NR3C2: variants seen among roughly 807,000 people sequenced by gnomAD.
The protein encoded by NR3C2 is nuclear receptor subfamily 3 group C member 2.
NR3C2 carries 15 observed loss-of-function variants against 86.4 expected under a neutral mutation model. The observed-to-expected ratio is 0.17, with a 90% CI of 0.12 to 0.27. The LOEUF is 0.27. NR3C2 is among the 10% of genes least tolerant of loss of function. The pLI is 1.00. For synonymous variants in NR3C2, 458 were observed against 450.5 expected, an observed-to-expected ratio of 1.02 and a Z score of -0.21; for missense variants, 960 against 1,195.6, an observed-to-expected ratio of 0.80 and a Z score of 2.91.
intron 8 of NR3C2, among the ~76,000 whole-genome samples, chr4:148,103,597 G>A (rs748448781): frequency 3.3e-5 from 5 of 152,214 alleles, no homozygotes; most frequent in Non-Finnish European, 7.3e-5. Flanking sequence ...TAGCGTTCTG[G>A]TTATGAAAAG....
intron 4 of NR3C2, among the ~76,000 whole-genome samples, chr4:148,160,268 C>T (rs1338848018): frequency 6.6e-6 from 1 of 152,156 alleles, no homozygotes; most frequent in Non-Finnish European, 1.5e-5. Flanking sequence ...CCTGACCAAC[C>T]TGCAAAAGAG....
chr4:148,302,425 A>G (rs1455636278), intron 2 of NR3C2, among the ~76,000 whole-genome samples: 4 of 152,004 alleles, frequency 2.6e-5, no homozygotes, highest in African/African-American at 9.7e-5. Flanking sequence ...CAAAATGTGG[A>G]GCATGTTTGT....
chr4:148,413,504 T>A (rs1167272836), intron 2 of NR3C2, among the ~76,000 whole-genome samples: 1 of 151,894 alleles, frequency 6.6e-6, no homozygotes, highest in Non-Finnish European at 1.5e-5. Context: ...GACATCAAAA[T>A]TTAAAGCATC....
chr4:148,353,123 C>T (rs1458203504), intron 2 of NR3C2, among the ~76,000 whole-genome samples: 2 of 152,032 alleles, frequency 1.3e-5, no homozygotes, highest in Non-Finnish European at 2.9e-5. Flanking sequence ...AATAAGTAGA[C>T]TCAATCTCAA....
At chr4:148,407,187 CA>C (rs1748469184) in intron 2 of NR3C2, among the ~76,000 whole-genome samples, 1 of 152,136 alleles carries the variant, frequency 6.6e-6, no homozygotes. Context: ...AGCCAGAATT[CA>C]AACCCAAGCA....
intron 2 of NR3C2, among the ~76,000 whole-genome samples, chr4:148,434,287 C>T (rs1040175025): frequency 2.6e-5 from 4 of 152,096 alleles, no homozygotes; most frequent in Non-Finnish European, 4.4e-5. Context: ...AACTTAGAAC[C>T]ACCCTTTATA....
chr4:148,202,261 G>A (rs1736760974), intron 3 of NR3C2, among the ~76,000 whole-genome samples: 1 of 152,226 alleles, frequency 6.6e-6, no homozygotes, highest in South Asian at 2.1e-4. Context: ...GAACACCTCT[G>A]CCCACCCTTG....
At chr4:148,101,335 C>A (rs1046589929) in intron 8 of NR3C2, among the ~76,000 whole-genome samples, 7 of 152,148 alleles carry the variant, frequency 4.6e-5, no homozygotes, top group African/African-American at 1.7e-4. Context: ...AAACATTAAC[C>A]TTCTTGAAAG....
chr4:148,389,963 C>A (rs1271377650), intron 2 of NR3C2, among the ~76,000 whole-genome samples: 2 of 151,906 alleles, frequency 1.3e-5, no homozygotes, highest in Non-Finnish European at 2.9e-5. Context: ...TTTATATACA[C>A]AAATTTAAGA....
intron 2 of NR3C2, among the ~76,000 whole-genome samples, chr4:148,405,731 A>T (rs1748387776): frequency 6.6e-6 from 1 of 152,254 alleles, no homozygotes; most frequent in Non-Finnish European, 1.5e-5. Flanking sequence ...TAACTGCTTC[A>T]TACGCAAAGG....
At chr4:148,146,030 C>T (rs1733852800) in intron 6 of NR3C2, among the ~76,000 whole-genome samples, 1 of 151,938 alleles carries the variant, frequency 6.6e-6, no homozygotes, top group Admixed American at 6.6e-5. Flanking sequence ...AGAAATCACA[C>T]AACAGTTTCC....
At chr4:148,314,199 G>C (rs1316825069) in intron 2 of NR3C2, among the ~76,000 whole-genome samples, 4 of 152,104 alleles carry the variant, frequency 2.6e-5, no homozygotes, top group Non-Finnish European at 5.9e-5. Flanking sequence ...AAATGAAAGA[G>C]ATGAGCAAGT....
intron 2 of NR3C2, among the ~76,000 whole-genome samples, chr4:148,427,709 G>A (rs142174253): frequency 6.6e-6 from 1 of 152,122 alleles, no homozygotes; most frequent in Non-Finnish European, 1.5e-5. Context: ...AGTGTCTTCA[G>A]GGATGGGAAC....
chr4:148,259,903 C>T, intron 3 of NR3C2, 75 bp downstream of exon 3: 1 of 1,561,924 alleles, frequency 6.4e-7, no homozygotes, highest in Non-Finnish European at 8.8e-7. Flanking sequence ...CCCAATAATG[C>T]TATAGCATTA....
At chr4:148,235,744 TTTG>T (rs70962707) in intron 3 of NR3C2, among the ~76,000 whole-genome samples, 22,366 of 152,084 alleles carry the variant, frequency 0.15, 2,057 homozygotes, top group Admixed American at 0.24. Context: ...AGAAGAGTGT[TTTG>T]TTGTTGTTGT....
At chr4:148,384,983 T>C (rs1579234764) in intron 2 of NR3C2, among the ~76,000 whole-genome samples, 1 of 152,198 alleles carries the variant, frequency 6.6e-6, no homozygotes, top group African/African-American at 2.4e-5. Flanking sequence ...AGAAAGTATG[T>C]CCTAGATCTT....
chr4:148,229,005 T>A (rs1380134350), intron 3 of NR3C2, among the ~76,000 whole-genome samples: 1 of 152,100 alleles, frequency 6.6e-6, no homozygotes, highest in Non-Finnish European at 1.5e-5. Context: ...TGATGACTAG[T>A]AGTAGAAAGA....
At chr4:148,186,766 C>T (rs1179559370) in intron 4 of NR3C2, among the ~76,000 whole-genome samples, 1 of 150,140 alleles carries the variant, frequency 6.7e-6, no homozygotes, top group Admixed American at 6.7e-5. Flanking sequence ...TTACCCCCCT[C>T]CCACTCTTCC....
Position 148,209,262 on chromosome 4 carries a change from G to A in NR3C2, c.1898-14400C>T, listed in dbSNP as rs868044475. 9.5e-3 allele frequency among the ~76,000 whole-genome samples: 1,408 copies of A among 148,072 alleles called. 22 individuals are homozygous for A. The highest frequency in any genetic ancestry group is 0.033 in the African/African-American group (1,276 of 39,140). On this transcript the variant is annotated intron_variant, in intron 3 of 8. Coordinates refer to ENST00000358102, the MANE Select transcript of NR3C2 (RefSeq NM_000901.5). ...CAGTCTCAAAAAAAAAAAAAAAAAAGAAAAAGCCAAAAATGCTTTATGCAA... is the reference window on the plus strand; with the variant it reads ...CAGTCTCAAAAAAAAAAAAAAAAAAAAAAAAGCCAAAAATGCTTTATGCAA...
Sources: gnomAD v4.1 joint callset for allele counts (sites outside exome capture counted in the v4.1 genomes callset) on GRCh38, gnomAD v4.1.1 for gene constraint, MANE v1.5 for transcripts, NCBI Gene and HGNC (gene_info 2026-07-23, HGNC 2026-07-21) for gene names.